Variants in AKR7A3 observed in about 807,000 individuals in gnomAD.
AKR7A3 encodes the protein aldo-keto reductase family 7 member A3, also known as AFB1 aldehyde reductase 2.
In AKR7A3, 37 loss-of-function variants were observed where a neutral mutation model predicts 32.5. The observed-to-expected ratio is 1.14, with a 90% CI of 0.88 to 1.50. AKR7A3 has a LOEUF of 1.50. AKR7A3 is among the 40% of genes most tolerant of loss of function. AKR7A3 has a pLI of 0.00. For missense variants in AKR7A3, 412 were observed against 453.2 expected (o/e 0.91, Z 0.83); for synonymous variants, 177 against 188.4 (o/e 0.94, Z 0.50).
chr1:19,287,526 C>T (rs890950472), intron 1 of AKR7A3, among the ~76,000 whole-genome samples: 6 of 151,862 alleles, frequency 4.0e-5, no homozygotes, highest in African/African-American at 1.5e-4. Context: ...CATTTCCCAG[C>T]CCTCACTATG....
Position 19,282,809 on chromosome 1 carries a change from G to A in AKR7A3, c.918C>T (p.Pro306=), listed in dbSNP as rs2093721201. The change falls in exon 7 of 7, where the codon CCC becomes CCT. Residue 306 remains proline (P), a synonymous_variant. Coordinates refer to ENST00000361640, the MANE Select transcript of AKR7A3 (RefSeq NM_012067.3). ...EQNLAAAEEG[P]LEPAVVDAFN... ...AGGCGTCCACGACAGCCGGCTCCAG[G>A]GGCCCTTCCTCTGCCGCTGCCAAGT... The A allele has an allele frequency of 6.2e-7, 1 of 1,613,292 alleles. No homozygotes were observed. The highest frequency in any genetic ancestry group is 2.2e-5 in the East Asian group (1 of 44,854).
chr1:19,280,720 G>A (rs188643820), downstream of AKR7A3, among the ~76,000 whole-genome samples: 148 of 150,850 alleles, frequency 9.8e-4, 3 homozygotes, highest in African/African-American at 3.4e-3. Flanking sequence ...ACAGGCACCC[G>A]CCACCACGCC....
At chr1:19,274,899 CAA>C in the AKR7A3 span, among the ~76,000 whole-genome samples, 6 of 44,306 alleles carry the variant, frequency 1.4e-4, no homozygotes, top group East Asian at 1.7e-3. Flanking sequence ...TCTCTAAATA[CAA>C]AAAAAAAAAA....
At chr1:19,279,521 G>GT (rs1452670698), downstream of AKR7A3, among the ~76,000 whole-genome samples, 4 of 151,816 alleles carry the variant, frequency 2.6e-5, no homozygotes, top group Non-Finnish European at 4.4e-5. Context: ...TTCCAAAGTG[G>GT]TTGTACCATT....
intron 4 of AKR7A3, 84 bp from the exon 5 acceptor site, chr1:19,284,869 G>A: frequency 6.4e-7 from 1 of 1,574,102 alleles, no homozygotes. Flanking sequence ...TAGGGGAGGG[G>A]CAGGGACCCA....
At chr1:19,282,220 G>A (rs1292612825), downstream of AKR7A3, among the ~76,000 whole-genome samples, 3 of 151,778 alleles carry the variant, frequency 2.0e-5, no homozygotes, top group African/African-American at 7.3e-5. Flanking sequence ...GAGCCTGGTG[G>A]GAGGGGTTAG....
the AKR7A3 span, among the ~76,000 whole-genome samples, chr1:19,275,087 A>C: frequency 6.6e-6 from 1 of 151,748 alleles, no homozygotes; most frequent in African/African-American, 2.4e-5. Context: ...TTAGAAAGCT[A>C]TTGAAATATA....
chr1:19,282,763 C>A lies in AKR7A3; in HGVS notation c.964G>T (p.Val322Phe), dbSNP rs774432130. 1.2e-5 allele frequency: 19 copies of A among 1,613,652 alleles called. No individual in the cohort carries two copies. The highest frequency in any genetic ancestry group is 6.7e-5 in the East Asian group (3 of 44,890). The change falls in exon 7 of 7, where the codon GTT becomes TTT. Residue 322 changes from valine (V) to phenylalanine (F), a missense_variant. Val to Phe is a conservative substitution (Grantham distance 50, BLOSUM62 -1). Coordinates refer to ENST00000361640, the MANE Select transcript of AKR7A3 (RefSeq NM_012067.3). ...AAGTAGTTGGGACATTCGTGAGTAA[C>A]CAAATGCCAGGCTTGATTAAAGGCG... is the stretch of plus-strand genomic sequence containing the variant. ...VDAFNQAWHLVTHECPNYFR is the reference protein window; with the variant it reads ...VDAFNQAWHLFTHECPNYFR
At chr1:19,275,194 T>C in the AKR7A3 span, among the ~76,000 whole-genome samples, 4 of 151,208 alleles carry the variant, frequency 2.6e-5, no homozygotes, top group Non-Finnish European at 1.5e-5. Context: ...GTGGATCACC[T>C]GAGGTCAAGA....
In AKR7A3 at chr1:19,284,140, C is replaced by T. The variant is rs367816925; in HGVS notation, c.705-15G>A. 123 of 1,603,450 alleles carry T rather than the reference C, an allele frequency of 7.7e-5. 3 individuals are homozygous for T. The African/African-American group carries it at 1.1e-3, about 14-fold the overall frequency. On this transcript the variant is annotated splice_polypyrimidine_tract_variant and intron_variant, in intron 5 of 6. Transcript: ENST00000361640. Reference sequence around the variant, plus strand: ...CCTTCCAGTAGCTGGGAAGGGGGGACGGTGGCACAGGTGTCAGGGCCACAT... The same window carrying T: ...CCTTCCAGTAGCTGGGAAGGGGGGATGGTGGCACAGGTGTCAGGGCCACAT...
rs1309855663 is a variant in AKR7A3, at chr1:19,288,446, A to T, written c.214+50T>A. On this transcript the variant is annotated intron_variant, in intron 1 of 6. Coordinates refer to ENST00000361640, the MANE Select transcript of AKR7A3 (RefSeq NM_012067.3). ...AGAGCGGGGCGGTACACGGCTGTGGACAGGCTCAGCTCTGCACCGTGCAGG... is the reference window on the plus strand; with the variant it reads ...AGAGCGGGGCGGTACACGGCTGTGGTCAGGCTCAGCTCTGCACCGTGCAGG... 2.5e-6 allele frequency: 4 copies of T among 1,588,950 alleles called. 1 individual carries two copies. In the South Asian group the frequency reaches 3.4e-5, roughly 13 times the overall value.
At chr1:19,277,444 A>T in the AKR7A3 span, among the ~76,000 whole-genome samples, 24 of 152,102 alleles carry the variant, frequency 1.6e-4, 1 homozygote, top group Middle Eastern at 6.8e-3. Context: ...ATGCAGCCAC[A>T]GTAGTGCTAA....
At position 19,288,549 on chromosome 1, in the gene AKR7A3, G is replaced by A. The variant is rs2093735269; in HGVS notation, c.161C>T (p.Ser54Phe). The change falls in exon 1 of 7, where the codon TCC (serine) becomes TTC (phenylalanine). Residue 54 changes from serine (S) to phenylalanine (F), a missense_variant. By Grantham distance (155) the Ser-to-Phe change is radical. Coordinates refer to ENST00000361640, the MANE Select transcript of AKR7A3 (RefSeq NM_012067.3). ...CCCCAGGCCGCCAAGGATGGTCTCG[G>A]ACTGGCCCTCGCTGTACACGAAGGC... ...DTAFVYSEGQ[S>F]ETILGGLGLR... 6.2e-7 allele frequency: 1 copy of A among 1,610,856 alleles called. No homozygotes were observed. Among genetic ancestry groups the A allele is most frequent in the Non-Finnish European group, 8.5e-7 (1 of 1,179,428 alleles).
chr1:19,275,180 G>C, the AKR7A3 span, among the ~76,000 whole-genome samples: 17 of 151,174 alleles, frequency 1.1e-4, no homozygotes, highest in Non-Finnish European at 1.8e-4. Flanking sequence ...GGAGGCCGAG[G>C]GGGGTGGATC....
downstream of AKR7A3, among the ~76,000 whole-genome samples, chr1:19,280,342 C>G (rs535968239): frequency 1.3e-5 from 2 of 151,476 alleles, no homozygotes; most frequent in African/African-American, 2.4e-5. Context: ...CTCCTGGGTT[C>G]AAGTGATTCC....
chr1:19,274,415 C>T, the AKR7A3 span, among the ~76,000 whole-genome samples: 1 of 151,852 alleles, frequency 6.6e-6, no homozygotes, highest in Admixed American at 6.5e-5. Context: ...CTCCCTGCCC[C>T]GTCGTCCCCC....
At chr1:19,280,519 TCTTA>T (rs1369820348), downstream of AKR7A3, among the ~76,000 whole-genome samples, 2 of 151,906 alleles carry the variant, frequency 1.3e-5, no homozygotes, top group African/African-American at 4.9e-5. Context: ...AACTTCATTC[TCTTA>T]CTTGCAAATA....
downstream of AKR7A3, among the ~76,000 whole-genome samples, chr1:19,281,757 C>G (rs1425431036): frequency 1.3e-5 from 2 of 152,024 alleles, no homozygotes; most frequent in Admixed American, 1.3e-4. Flanking sequence ...GCCCAAGGCC[C>G]TGGAAGCCCA....
intron 6 of AKR7A3, among the ~76,000 whole-genome samples, chr1:19,283,361 G>C (rs1237254167): frequency 6.6e-6 from 1 of 151,916 alleles, no homozygotes; most frequent in Admixed American, 6.5e-5. Context: ...AAAAGGATGA[G>C]ACTAGTGGGC....
Sources: allele counts gnomAD v4.1 joint callset (sites outside exome capture counted in the v4.1 genomes callset), GRCh38; gene constraint gnomAD v4.1.1; transcripts MANE v1.5; gene names NCBI Gene and HGNC (gene_info 2026-07-23, HGNC 2026-07-21).